Variants in KCNQ1OT1 observed in about 807,000 individuals in gnomAD.
The protein encoded by KCNQ1OT1 is KCNQ1 opposite strand/antisense transcript 1, also known as KCNQ1 antisense RNA 2 (non-protein coding).
Position 2,695,181 on chromosome 11 carries a change from C to T in KCNQ1OT1, n.4814G>A, listed in dbSNP as rs1850653224. 1 of 398,504 alleles carries T rather than the reference C, an allele frequency of 2.5e-6. No homozygotes were observed. The highest frequency in any genetic ancestry group is 4.4e-5 in the Admixed American group (1 of 22,718). The allele number at this position is 398,504 out of a possible 1,614,324, so 24.7% of individuals were successfully genotyped here. A position where few individuals can be genotyped will look rare whatever the true frequency, so the allele number is the denominator to read the frequency against. On this transcript the variant is annotated non_coding_transcript_exon_variant, in exon 1 of 1. Coordinates refer to ENST00000597346, the Ensembl canonical transcript of KCNQ1OT1. This position sits in a 1 kb window ranked among gnomAD's most constrained non-coding sequence, Gnocchi z 5.2. Reference sequence around the variant, plus strand: ...ACTCTGCACAGAGTTGATCACAGCCCTCAGCCTATGAAACACTGTCACCCT... The same window carrying T: ...ACTCTGCACAGAGTTGATCACAGCCTTCAGCCTATGAAACACTGTCACCCT...
At chr11:2,622,946 A>G (rs953997598) in exon 1 of KCNQ1OT1, 4 of 398,488 alleles carry the variant, frequency 1.0e-5, no homozygotes, top group African/African-American at 8.2e-5. Context: ...GTGGGTTTCT[A>G]CAAATGTGTA....
chr11:2,629,881 T>C, exon 1 of KCNQ1OT1: 1 of 398,230 alleles, frequency 2.5e-6, no homozygotes. Flanking sequence ...GAGACAATTT[T>C]ACTTCCTTCT....
chr11:2,683,005 C>T lies in KCNQ1OT1; in HGVS notation n.16990G>A. Reference sequence around the variant, plus strand: ...CAGACATCTCCCTTGTGCTGTGCAGCCTTAGTTCTGCCTCCTGAGAGAGGT... The same window carrying T: ...CAGACATCTCCCTTGTGCTGTGCAGTCTTAGTTCTGCCTCCTGAGAGAGGT... On this transcript the variant is annotated non_coding_transcript_exon_variant, in exon 1 of 1. Transcript: ENST00000597346. The surrounding 1 kb of genome is among the most constrained non-coding windows in gnomAD (Gnocchi z 4.7). The T allele has an allele frequency of 5.0e-6, 2 of 398,606 alleles. No individual in the cohort carries two copies. The highest frequency in any genetic ancestry group is 4.4e-6 in the Non-Finnish European group (1 of 226,098). 24.7% of individuals were successfully genotyped at this position (398,606 alleles called of 1,614,324 possible). A position where few individuals can be genotyped will look rare whatever the true frequency, so the allele number is the denominator to read the frequency against.
At chr11:2,640,643 A>G (rs1291768228) in exon 1 of KCNQ1OT1, 1 of 398,074 alleles carries the variant, frequency 2.5e-6, no homozygotes, top group East Asian at 3.6e-5. Context: ...TGTAATGATC[A>G]AGTCAGGGTA....
chr11:2,665,380 C>A, exon 1 of KCNQ1OT1: 1 of 398,196 alleles, frequency 2.5e-6, no homozygotes, highest in Non-Finnish European at 4.4e-6. Flanking sequence ...AAGAGGAGCC[C>A]TGTACCCCAA....
exon 1 of KCNQ1OT1, chr11:2,665,713 T>C (rs1284416658): frequency 5.0e-6 from 2 of 398,238 alleles, no homozygotes; most frequent in African/African-American, 4.1e-5. Context: ...TATAGCCCTC[T>C]TGGTCTCTTC....
exon 1 of KCNQ1OT1, chr11:2,672,598 T>A (rs1053200730): frequency 1.5e-5 from 6 of 398,664 alleles, no homozygotes; most frequent in Admixed American, 4.4e-5. Flanking sequence ...TGGGAAAGCA[T>A]CCCTGTAGGT....
Position 2,659,154 on chromosome 11 carries a change from G to A in KCNQ1OT1, n.40841C>T, listed in dbSNP as rs1849905479. 7.5e-6 allele frequency: 3 copies of A among 398,580 alleles called. No homozygotes were observed. The highest frequency in any genetic ancestry group is 4.4e-6 in the Non-Finnish European group (1 of 226,056). 24.7% of individuals were successfully genotyped at this position (398,580 alleles called of 1,614,324 possible). ...AGTAAAATCCACTCTTTGAGATTCA[G>A]TTCTGTGGGTTTTGACAGATGTCTG... On this transcript the variant is annotated non_coding_transcript_exon_variant, in exon 1 of 1. Coordinates refer to ENST00000597346, the Ensembl canonical transcript of KCNQ1OT1. This position sits in a 1 kb window ranked among gnomAD's most constrained non-coding sequence, Gnocchi z 4.3.
At position 2,609,277 on chromosome 11, in the gene KCNQ1OT1, C is replaced by T. The variant is rs1848935340; in HGVS notation, n.90718G>A. 3 of 398,002 alleles carry T rather than the reference C, an allele frequency of 7.5e-6. No homozygotes were observed. The South Asian group carries it at 3.8e-4, about 51-fold the overall frequency. 24.7% of individuals were successfully genotyped at this position (398,002 alleles called of 1,614,324 possible). A position where few individuals can be genotyped will look rare whatever the true frequency, so the allele number is the denominator to read the frequency against. ...CCATTTCCCTTGTGAATTCTTTCAC[C>T]CATTGATTATTTAAGAATGTAGTGT... On this transcript the variant is annotated non_coding_transcript_exon_variant, in exon 1 of 1. Transcript: ENST00000597346.
In KCNQ1OT1 at chr11:2,642,844, A is replaced by G; in HGVS notation, n.57151T>C. 2.5e-6 allele frequency: 1 copy of G among 397,778 alleles called. No homozygotes were observed. 24.6% of individuals were successfully genotyped at this position (397,778 alleles called of 1,614,324 possible). A position where few individuals can be genotyped will look rare whatever the true frequency, so the allele number is the denominator to read the frequency against. On this transcript the variant is annotated non_coding_transcript_exon_variant, in exon 1 of 1. Coordinates refer to ENST00000597346, the Ensembl canonical transcript of KCNQ1OT1. This position sits in a 1 kb window ranked among gnomAD's most constrained non-coding sequence, Gnocchi z 4.3. ...AGCATTGCTTTTGCAGTATCCCTTA[A>G]GTTTCAGAATGTTGTGCTTCTATTT...
In KCNQ1OT1 at chr11:2,658,371, T is replaced by C; in HGVS notation, n.41624A>G. ...ATCAGTGTGGATTTGGGAGTATTTA[T>C]TTTTTGAGTTATAGTCCAATATTAT... On this transcript the variant is annotated non_coding_transcript_exon_variant, in exon 1 of 1. Transcript: ENST00000597346. This position sits in a 1 kb window ranked among gnomAD's most constrained non-coding sequence, Gnocchi z 4.9. The C allele has an allele frequency of 5.0e-6, 2 of 398,618 alleles. No individual in the cohort carries two copies. Among genetic ancestry groups the C allele is most frequent in the Non-Finnish European group, 8.8e-6 (2 of 226,048 alleles). 24.7% of individuals were successfully genotyped at this position (398,618 alleles called of 1,614,324 possible). A position where few individuals can be genotyped will look rare whatever the true frequency, so the allele number is the denominator to read the frequency against.
At chr11:2,694,926 T>C (rs1219921342) in exon 1 of KCNQ1OT1, 1 of 398,242 alleles carries the variant, frequency 2.5e-6, no homozygotes, top group Non-Finnish European at 4.4e-6. Context: ...CAGGCAGAGG[T>C]GGTGAAGGCC....
chr11:2,622,224 G>A (rs1252762901), exon 1 of KCNQ1OT1: 1 of 398,268 alleles, frequency 2.5e-6, no homozygotes, highest in African/African-American at 2.1e-5. Flanking sequence ...CTTATATTCT[G>A]GGGCTCTATA....
chr11:2,692,276 T>C, exon 1 of KCNQ1OT1: 1 of 398,978 alleles, frequency 2.5e-6, no homozygotes, highest in East Asian at 3.6e-5. Context: ...CACCCATCCA[T>C]AGTTCTAGAG....
rs1375984021 is a variant in KCNQ1OT1 at position 2,683,362 on chromosome 11, G to A, written n.16633C>T. On this transcript the variant is annotated non_coding_transcript_exon_variant, in exon 1 of 1. Transcript: ENST00000597346. The surrounding 1 kb of genome is among the most constrained non-coding windows in gnomAD (Gnocchi z 4.7). ...CTAGGCCACTGTGCCTGCCACTGCT[G>A]TCTGCAAATGCAGGTTCCTGGGGCT... 2.5e-6 allele frequency: 1 copy of A among 398,502 alleles called. No individual in the cohort carries two copies. The highest frequency in any genetic ancestry group is 4.4e-6 in the Non-Finnish European group (1 of 226,070). 24.7% of individuals were successfully genotyped at this position (398,502 alleles called of 1,614,324 possible).
At chr11:2,643,350 C>A (rs1564843024) in exon 1 of KCNQ1OT1, 1 of 398,358 alleles carries the variant, frequency 2.5e-6, no homozygotes, top group Non-Finnish European at 4.4e-6. Context: ...GTGTTGGGTG[C>A]ATATATGTTT....
At position 2,698,835 on chromosome 11, in the gene KCNQ1OT1, A is replaced by G. The variant is rs942112641; in HGVS notation, n.1160T>C. 4 of 398,478 alleles carry G rather than the reference A, an allele frequency of 1.0e-5. No homozygotes were observed. In the Admixed American group the frequency reaches 1.8e-4, roughly 18 times the overall value. The allele number at this position is 398,478 out of a possible 1,614,324, so 24.7% of individuals were successfully genotyped here. ...TGTCCCTAATGAGGCCCTACCTAAA[A>G]CCACCATGCGGACTCCAGACCCGGA... On this transcript the variant is annotated non_coding_transcript_exon_variant, in exon 1 of 1. Coordinates refer to ENST00000597346, the Ensembl canonical transcript of KCNQ1OT1. The surrounding 1 kb of genome is among the most constrained non-coding windows in gnomAD (Gnocchi z 5.1).
Position 2,617,633 on chromosome 11 carries a change from A to G in KCNQ1OT1, n.82362T>C. ...TATATTTTCAATTTCTTTAGGAGCC[A>G]CCATTCTGTTTTTCATTATGACTGC... On this transcript the variant is annotated non_coding_transcript_exon_variant, in exon 1 of 1. Coordinates refer to ENST00000597346, the Ensembl canonical transcript of KCNQ1OT1. This position sits in a 1 kb window ranked among gnomAD's most constrained non-coding sequence, Gnocchi z 4.6. The G allele has an allele frequency of 2.5e-6, 1 of 398,460 alleles. No individual in the cohort carries two copies. Among genetic ancestry groups the G allele is most frequent in the East Asian group, 3.6e-5 (1 of 28,054 alleles). The allele number at this position is 398,460 out of a possible 1,614,324, so 24.7% of individuals were successfully genotyped here.
chr11:2,666,723 C>G (rs1411910792), exon 1 of KCNQ1OT1: 1 of 398,656 alleles, frequency 2.5e-6, no homozygotes, highest in Non-Finnish European at 4.4e-6. Flanking sequence ...GTGACCTACT[C>G]CCACAGACCC....
Sources: gnomAD v4.1 joint callset for allele counts on GRCh38, gnomAD v4.1.1 for gene constraint, Gnocchi (gnomAD v3.1) non-coding constraint, MANE v1.5 for transcripts, NCBI Gene and HGNC (gene_info 2026-07-23, HGNC 2026-07-21) for gene names.